Variants in FNTA observed in about 807,000 individuals in gnomAD.
FNTA encodes the protein farnesyltransferase, CAAX box, subunit alpha.
A neutral mutation model predicts 55.2 loss-of-function variants in FNTA; 27 were observed. The ratio of observed to expected loss-of-function variants is 0.49; its 90% CI spans 0.36 to 0.67. The LOEUF is 0.67. Among genes scored for constraint, FNTA ranks in the 30% least tolerant of loss-of-function variants. FNTA has a pLI of 0.00. For missense variants in FNTA, 422 were observed against 464.7 expected (o/e 0.91, Z 0.85); for synonymous variants, 176 against 170.7 (o/e 1.03, Z -0.24).
intron 1 of FNTA, among the ~76,000 whole-genome samples, chr8:43,058,008 G>C (rs1442326934): frequency 6.6e-6 from 1 of 151,520 alleles, no homozygotes; most frequent in African/African-American, 2.4e-5. Flanking sequence ...AAGTGTTTAA[G>C]AGAAATTTTG....
chr8:43,060,471 T>C (rs1331582422), intron 2 of FNTA, among the ~76,000 whole-genome samples: 4 of 152,130 alleles, frequency 2.6e-5, no homozygotes, highest in Non-Finnish European at 5.9e-5. Flanking sequence ...GGTTAGGAGT[T>C]TGAGACTAGC....
At chr8:43,070,828 C>T (rs1211931517) in intron 4 of FNTA, among the ~76,000 whole-genome samples, 1 of 152,222 alleles carries the variant, frequency 6.6e-6, no homozygotes, top group African/African-American at 2.4e-5. Flanking sequence ...AGCCGTGTAA[C>T]TCCTTAAATC....
At chr8:43,061,872 A>G (rs956333821) in intron 2 of FNTA, among the ~76,000 whole-genome samples, 1 of 151,994 alleles carries the variant, frequency 6.6e-6, no homozygotes, top group African/African-American at 2.4e-5. Context: ...GGCTTGCGAC[A>G]CCACACCTGG....
At chr8:43,073,280 C>T (rs1017328260) in intron 5 of FNTA, among the ~76,000 whole-genome samples, 2 of 152,174 alleles carry the variant, frequency 1.3e-5, no homozygotes, top group Admixed American at 1.3e-4. Flanking sequence ...TTTACACATA[C>T]AGCTCTCTCC....
chr8:43,069,442 T>A lies in FNTA; in HGVS notation c.402-113T>A, dbSNP rs901747668. 2.2e-5 allele frequency: 15 copies of A among 685,048 alleles called. No homozygotes were observed. The African/African-American group carries it at 2.3e-4, about 11-fold the overall frequency. The allele number at this position is 685,048 out of a possible 1,614,324, so 42.4% of individuals were successfully genotyped here. A position where few individuals can be genotyped will look rare whatever the true frequency, so the allele number is the denominator to read the frequency against. ...GCCTATAATTGTTAAATTATACAGA[T>A]TACCTGCCAAAAATTTGTCTAACTG... On this transcript the variant is annotated intron_variant, in intron 3 of 8. Transcript: ENST00000302279.
At chr8:43,065,059 C>G (rs1291283407) in intron 3 of FNTA, among the ~76,000 whole-genome samples, 1 of 151,900 alleles carries the variant, frequency 6.6e-6, no homozygotes, top group Non-Finnish European at 1.5e-5. Flanking sequence ...TGGCCTCGAT[C>G]TCCTGACCTC....
chr8:43,063,698 G>A (rs1660546272), intron 2 of FNTA, among the ~76,000 whole-genome samples: 1 of 152,146 alleles, frequency 6.6e-6, no homozygotes, highest in Admixed American at 6.5e-5. Context: ...GAAATCTAGT[G>A]TGAACCTTTT....
At chr8:43,074,984 G>T (rs909521657) in intron 5 of FNTA, among the ~76,000 whole-genome samples, 3 of 152,132 alleles carry the variant, frequency 2.0e-5, no homozygotes, top group African/African-American at 7.2e-5. Flanking sequence ...TCATTTTCTG[G>T]TTTTGGGATT....
intron 4 of FNTA, among the ~76,000 whole-genome samples, chr8:43,071,106 T>C (rs1364164064): frequency 6.6e-6 from 1 of 152,182 alleles, no homozygotes; most frequent in Non-Finnish European, 1.5e-5. Context: ...AATCCTTCCC[T>C]TTTTCCTATT....
Position 43,069,308 on chromosome 8 carries a change from C to T in FNTA, c.402-247C>T, listed in dbSNP as rs189557359. On this transcript the variant is annotated intron_variant, in intron 3 of 8. Coordinates refer to ENST00000302279, the MANE Select transcript of FNTA (RefSeq NM_002027.3). ...ATTTTTTCTGTATTTTTAGTAGAGA[C>T]GAGGTTTCACCACGTTGGCAAGGCT... Among the ~76,000 whole-genome samples, 594 of 151,260 alleles carry T rather than the reference C, an allele frequency of 3.9e-3. 4 individuals are homozygous for T. Among genetic ancestry groups the T allele is most frequent in the South Asian group, 0.014 (65 of 4,764 alleles).
intron 1 of FNTA, among the ~76,000 whole-genome samples, chr8:43,058,790 A>G (rs1164067067): frequency 6.6e-6 from 1 of 152,058 alleles, no homozygotes; most frequent in East Asian, 1.9e-4. Flanking sequence ...AAAATAAAAT[A>G]AAAAAAAGTA....
chr8:43,068,268 T>C (rs1810705755), intron 3 of FNTA, among the ~76,000 whole-genome samples: 1 of 152,208 alleles, frequency 6.6e-6, no homozygotes, highest in African/African-American at 2.4e-5. Context: ...TGCCTCAGCC[T>C]CCCAAAGTTA....
chr8:43,069,465 C>T (rs1810736183), intron 3 of FNTA, 90 bp from the exon 4 acceptor site: 5 of 804,198 alleles, frequency 6.2e-6, no homozygotes, highest in Non-Finnish European at 8.4e-6. Context: ...ATTTGTCTAA[C>T]TGTATTGCTG....
chr8:43,084,933 G>A, intron 8 of FNTA, 52 bp downstream of exon 8: 2 of 1,500,820 alleles, frequency 1.3e-6, no homozygotes, highest in South Asian at 1.1e-5. Context: ...GAATTGATCT[G>A]CCCAATACCA....
chr8:43,059,124 T>A lies in FNTA; in HGVS notation c.233T>A (p.Val78Glu). The A allele has an allele frequency of 6.2e-7, 1 of 1,613,738 alleles. No individual in the cohort carries two copies. Among genetic ancestry groups the A allele is most frequent in the East Asian group, 2.2e-5 (1 of 44,860 alleles). Residue 78 changes from valine to glutamate, a missense_variant, in exon 2 of 9, where the codon GTG (valine) becomes GAG (glutamate). Transcript: ENST00000302279. ...GCAGAATGGGCTGATATAGATCCGG[T>A]GCCGCAGAATGATGGCCCCAATCCC... ...DRAEWADIDPVPQNDGPNPVV... is the reference protein window; with the variant it reads ...DRAEWADIDPEPQNDGPNPVV...
intron 1 of FNTA, 76 bp downstream of exon 1, chr8:43,056,622 T>G: frequency 9.9e-7 from 1 of 1,007,072 alleles, no homozygotes. Flanking sequence ...GGCGCGCGCT[T>G]CCGGCCCCGG....
At chr8:43,075,840 C>A (rs1810897218) in intron 5 of FNTA, among the ~76,000 whole-genome samples, 1 of 151,546 alleles carries the variant, frequency 6.6e-6, no homozygotes, top group South Asian at 2.1e-4. Flanking sequence ...AAATTTATAT[C>A]TTTGTCCAAT....
chr8:43,072,904 T>A (rs185615219), intron 5 of FNTA, among the ~76,000 whole-genome samples: 82 of 152,314 alleles, frequency 5.4e-4, no homozygotes, highest in Admixed American at 1.2e-3. Context: ...GATGTATTAT[T>A]TTAACTAACA....
Position 43,064,175 on chromosome 8 carries a change from C to A in FNTA, c.361C>A (p.Arg121=). 1.9e-6 allele frequency: 3 copies of A among 1,613,756 alleles called. No homozygotes were observed. The highest frequency in any genetic ancestry group is 2.5e-6 in the Non-Finnish European group (3 of 1,179,686). The change falls in exon 3 of 9, where the codon CGG becomes AGG. Residue 121 remains arginine (R), a synonymous_variant. Transcript: ENST00000302279. ...ERSERAFKLT[R]DAIELNAANY... ...AAGTGAACGAGCTTTTAAGCTAACCCGGGATGCTATTGAGTTAAATGCAGC... is the reference window on the plus strand; with the variant it reads ...AAGTGAACGAGCTTTTAAGCTAACCAGGGATGCTATTGAGTTAAATGCAGC...
Sources: gnomAD v4.1 joint callset for allele counts (sites outside exome capture counted in the v4.1 genomes callset) on GRCh38, gnomAD v4.1.1 for gene constraint, MANE v1.5 for transcripts, NCBI Gene and HGNC (gene_info 2026-07-23, HGNC 2026-07-21) for gene names.